FBXO24: variants seen among roughly 807,000 people sequenced by gnomAD.
FBXO24 encodes F-box only protein 24.
In FBXO24, 30 loss-of-function variants were observed where a neutral mutation model predicts 63.5. The observed-to-expected ratio is 0.47, with a 90% confidence interval of 0.35 to 0.64. The LOEUF is 0.64. FBXO24 is among the 30% of genes least tolerant of loss of function. The pLI, the probability that FBXO24 is intolerant of heterozygous loss-of-function variation, is 0.00. For missense variants in FBXO24, 624 were observed against 763.4 expected, an observed-to-expected ratio of 0.82 and a Z score of 2.15; for synonymous variants, 300 against 305.0, an observed-to-expected ratio of 0.98 and a Z score of 0.17.
At chr7:100,590,433 A>G (rs1801960532) in intron 3 of FBXO24, 76 bp downstream of exon 3, 1 of 1,468,938 alleles carries the variant, frequency 6.8e-7, no homozygotes, top group African/African-American at 1.4e-5. Flanking sequence ...AAGTCCCCTG[A>G]TGACCCCCAC....
intron 8 of FBXO24, among the ~76,000 whole-genome samples, chr7:100,599,128 C>A (rs1231238271): frequency 6.6e-6 from 1 of 152,102 alleles, no homozygotes; most frequent in African/African-American, 2.4e-5. Flanking sequence ...GTGGCACATG[C>A]CTGTATTCCC....
chr7:100,590,502 T>A, intron 3 of FBXO24, 145 bp downstream of exon 3: 1 of 830,010 alleles, frequency 1.2e-6, no homozygotes. Context: ...AGTTCAAACA[T>A]TCTCCCTTGA....
intron 8 of FBXO24, 36 bp downstream of exon 8, chr7:100,595,742 C>G: frequency 1.3e-6 from 2 of 1,542,612 alleles, no homozygotes; most frequent in Non-Finnish European, 1.8e-6. Context: ...ATCCCAACCC[C>G]TTTCCTCCAA....
Position 100,595,690 on chromosome 7 carries a change from G to A in FBXO24, c.1190G>A (p.Arg397Gln), listed in dbSNP as rs574765173. The change falls in exon 8 of 10, where the codon CGA becomes CAA. Residue 397 changes from arginine (R) to glutamine (Q), a missense_variant. Coordinates refer to ENST00000241071, the MANE Select transcript of FBXO24 (RefSeq NM_033506.3). ...CTAGGAACAGGGGACAAAATGGACCGAGGGGAACCCACACAGGTGAGACTA... is the reference window on the plus strand; with the variant it reads ...CTAGGAACAGGGGACAAAATGGACCAAGGGGAACCCACACAGGTGAGACTA... ...GQLGTGDKMD[R>Q]GEPTQVCYLQ... 20 of 1,608,166 alleles carry A rather than the reference G, an allele frequency of 1.2e-5. No individual in the cohort carries two copies. Among genetic ancestry groups the A allele is most frequent in the East Asian group, 6.7e-5 (3 of 44,782 alleles).
chr7:100,592,071 G>A, intron 4 of FBXO24, 169 bp downstream of exon 4: 1 of 620,316 alleles, frequency 1.6e-6, no homozygotes, highest in Non-Finnish European at 2.8e-6. Flanking sequence ...GACCAGCCTG[G>A]CCAAATGGCG....
rs1230437625 is a variant in FBXO24, at chr7:100,594,971, A to G, written c.953-131A>G. The G allele has an allele frequency of 3.9e-6, 5 of 1,287,322 alleles. No homozygotes were observed. The highest frequency in any genetic ancestry group is 5.4e-6 in the Non-Finnish European group (5 of 930,980). 79.7% of individuals were successfully genotyped at this position (1,287,322 alleles called of 1,614,324 possible). A position where few individuals can be genotyped will look rare whatever the true frequency, so the allele number is the denominator to read the frequency against. On this transcript the variant is annotated intron_variant, in intron 6 of 9. Coordinates refer to ENST00000241071, the MANE Select transcript of FBXO24 (RefSeq NM_033506.3). The surrounding 1 kb of genome is among the most constrained non-coding windows in gnomAD (Gnocchi z 4.2). ...CTCAAAAGATGTGTTTTCAGTTCCC[A>G]GGCATCATAGTTGATGCATTCCTAG...
Position 100,600,468 on chromosome 7 carries a change from G to A in FBXO24, c.1378-66G>A. On this transcript the variant is annotated intron_variant, in intron 9 of 9. Coordinates refer to ENST00000241071, the MANE Select transcript of FBXO24 (RefSeq NM_033506.3). The surrounding 1 kb of genome is among the most constrained non-coding windows in gnomAD (Gnocchi z 6.3). ...AGAATGCAATAGGCAGATTAGCCCG[G>A]GCACCCTGGGAAACCCTGCAAGGAA... The A allele has an allele frequency of 6.6e-7, 1 of 1,519,934 alleles. No individual in the cohort carries two copies. Among genetic ancestry groups the A allele is most frequent in the Non-Finnish European group, 8.8e-7 (1 of 1,135,408 alleles). 94.2% of individuals were successfully genotyped at this position (1,519,934 alleles called of 1,614,324 possible).
At chr7:100,588,298 CCTTT>C (rs1487940117) in intron 1 of FBXO24, among the ~76,000 whole-genome samples, 1 of 152,202 alleles carries the variant, frequency 6.6e-6, no homozygotes, top group Non-Finnish European at 1.5e-5. Flanking sequence ...TGGAGATCTT[CCTTT>C]CTAAGTGGCA....
At position 100,586,611 on chromosome 7, in the gene FBXO24, C is replaced by A. The variant is rs1199785715; in HGVS notation, c.-15C>A. On this transcript the variant is annotated 5_prime_UTR_variant, in exon 1 of 10. Coordinates refer to ENST00000241071, the MANE Select transcript of FBXO24 (RefSeq NM_033506.3). ...CCTGCCTCTTCTCTGAGGGACGGCTCTACCTACCAATAGCATGGGCGAGAA... is the reference window on the plus strand; with the variant it reads ...CCTGCCTCTTCTCTGAGGGACGGCTATACCTACCAATAGCATGGGCGAGAA... 1 of 1,614,210 alleles carries A rather than the reference C, an allele frequency of 6.2e-7. No homozygotes were observed. The highest frequency in any genetic ancestry group is 1.7e-5 in the Admixed American group (1 of 60,026).
chr7:100,590,473 C>A, intron 3 of FBXO24, 116 bp downstream of exon 3: 1 of 1,100,984 alleles, frequency 9.1e-7, no homozygotes, highest in Non-Finnish European at 1.3e-6. Context: ...GGGCCCCTTT[C>A]TCCGGAAGAA....
chr7:100,595,373 G>A, intron 7 of FBXO24, 150 bp downstream of exon 7: 1 of 1,441,678 alleles, frequency 6.9e-7, no homozygotes, highest in Non-Finnish European at 9.3e-7. Context: ...GGGGCTCGGT[G>A]CGGAGGGAGG....
chr7:100,599,360 G>A (rs1474046455), intron 8 of FBXO24, among the ~76,000 whole-genome samples: 1 of 152,122 alleles, frequency 6.6e-6, no homozygotes, highest in Non-Finnish European at 1.5e-5. Flanking sequence ...GATCACCTGA[G>A]GTCAGGAGTT....
Position 100,592,825 on chromosome 7 carries a change from C to A in FBXO24, c.601C>A (p.Leu201Ile). Residue 201 changes from leucine to isoleucine, a missense_variant, in exon 5 of 10, where the codon CTC becomes ATC. Leu to Ile is a conservative substitution (Grantham distance 5). Transcript: ENST00000241071. ...GTGTGACACAGTTTACCGTAAATAC[C>A]TCTACGTCTTGGCCACTCGGGAGCC... ...PRCDTVYRKY[L>I]YVLATREPQE... The A allele has an allele frequency of 6.2e-7, 1 of 1,614,144 alleles. No homozygotes were observed. The highest frequency in any genetic ancestry group is 1.1e-5 in the South Asian group (1 of 91,080).
rs558667604 is a variant in FBXO24 at position 100,594,823 on chromosome 7, G to A, written c.953-279G>A. ...AAATTAGCTGGGTGTGATGGCAGGCGCCTGTAATCCCAGCTACACCAGAGG... is the reference window on the plus strand; with the variant it reads ...AAATTAGCTGGGTGTGATGGCAGGCACCTGTAATCCCAGCTACACCAGAGG... On this transcript the variant is annotated intron_variant, in intron 6 of 9. Transcript: ENST00000241071. The surrounding 1 kb of genome is among the most constrained non-coding windows in gnomAD (Gnocchi z 4.2). Among the ~76,000 whole-genome samples the A allele has an allele frequency of 4.6e-5, 7 of 152,232 alleles. No individual in the cohort carries two copies. The South Asian group carries it at 1.0e-3, about 23-fold the overall frequency.
intron 8 of FBXO24, among the ~76,000 whole-genome samples, chr7:100,598,593 G>A (rs1300954929): frequency 6.6e-6 from 1 of 152,236 alleles, no homozygotes; most frequent in Non-Finnish European, 1.5e-5. Flanking sequence ...CTGCTTAAGA[G>A]AGAGAGGCAG....
chr7:100,600,996 G>T lies in FBXO24; in HGVS notation c.*97G>T. 1 of 1,499,676 alleles carries T rather than the reference G, an allele frequency of 6.7e-7. No homozygotes were observed. Among genetic ancestry groups the T allele is most frequent in the Non-Finnish European group, 8.9e-7 (1 of 1,127,424 alleles). The allele number at this position is 1,499,676 out of a possible 1,614,324, so 92.9% of individuals were successfully genotyped here. Reference sequence around the variant, plus strand: ...ATTGTGCACATGCGTGTGGGAAGGGGTTGCTAGGGGGTGGGGACGGCTAAC... The same window carrying T: ...ATTGTGCACATGCGTGTGGGAAGGGTTTGCTAGGGGGTGGGGACGGCTAAC... On this transcript the variant is annotated 3_prime_UTR_variant, in exon 10 of 10. Transcript: ENST00000241071. The surrounding 1 kb of genome is among the most constrained non-coding windows in gnomAD (Gnocchi z 6.3).
chr7:100,594,613 C>T lies in FBXO24; in HGVS notation c.952+72C>T, dbSNP rs1404065088. Reference sequence around the variant, plus strand: ...CCTCTAAACATCAACACCCTTCACCCTTACTCCAGCTGCATGGTGAACCCC... The same window carrying T: ...CCTCTAAACATCAACACCCTTCACCTTTACTCCAGCTGCATGGTGAACCCC... On this transcript the variant is annotated intron_variant, in intron 6 of 9. Transcript: ENST00000241071. This position sits in a 1 kb window ranked among gnomAD's most constrained non-coding sequence, Gnocchi z 4.2. 8 of 1,401,754 alleles carry T rather than the reference C, an allele frequency of 5.7e-6. No homozygotes were observed. The highest frequency in any genetic ancestry group is 1.5e-5 in the African/African-American group (1 of 68,814). The allele number at this position is 1,401,754 out of a possible 1,614,324, so 86.8% of individuals were successfully genotyped here.
intron 3 of FBXO24, among the ~76,000 whole-genome samples, 154 bp downstream of exon 3, chr7:100,590,511 G>A (rs1256495802): frequency 6.6e-6 from 1 of 152,116 alleles, no homozygotes; most frequent in Non-Finnish European, 1.5e-5. Flanking sequence ...ATTCTCCCTT[G>A]AGTACTTCCT....
chr7:100,590,166 C>T lies in FBXO24; in HGVS notation c.139-8C>T. On this transcript the variant is annotated splice_region_variant and splice_polypyrimidine_tract_variant and intron_variant, in intron 2 of 9. Coordinates refer to ENST00000241071, the MANE Select transcript of FBXO24 (RefSeq NM_033506.3). ...AAGACTCCCCGCTTCTTCCCTCCTC[C>T]CTCCCAGGTGGAGCATATCATCTCA... 1 of 1,611,844 alleles carries T rather than the reference C, an allele frequency of 6.2e-7. No homozygotes were observed. The highest frequency in any genetic ancestry group is 8.5e-7 in the Non-Finnish European group (1 of 1,178,278).
Sources: gnomAD v4.1 joint callset for allele counts (sites outside exome capture counted in the v4.1 genomes callset) on GRCh38, gnomAD v4.1.1 for gene constraint, Gnocchi (gnomAD v3.1) non-coding constraint, MANE v1.5 for transcripts, NCBI Gene and HGNC (gene_info 2026-07-23, HGNC 2026-07-21) for gene names.